Variants in EYS observed in about 807,000 individuals in gnomAD.
EYS encodes protein eyes shut homolog.
Under a neutral mutation model 282.1 loss-of-function variants are expected in EYS, and 250 were observed. The ratio of observed to expected loss-of-function variants is 0.89; its 90% confidence interval spans 0.80 to 0.98. The LOEUF is 0.98. Among genes scored for constraint, EYS ranks in the 50% least tolerant of loss-of-function variants. EYS has a pLI of 0.00. For missense variants in EYS, 4,016 were observed against 3,709.0 expected (o/e 1.08, Z -2.15); for synonymous variants, 1,355 against 1,282.9 (o/e 1.06, Z -1.20).
At chr6:65,452,446 A>T (rs9345636) in intron 5 of EYS, among the ~76,000 whole-genome samples, 2 of 151,820 alleles carry the variant, frequency 1.3e-5, no homozygotes, top group East Asian at 1.9e-4. Flanking sequence ...TATGTATAGA[A>T]GCCACTAAGG....
At chr6:64,997,452 A>G in intron 14 of EYS, 130 bp downstream of exon 14, 1 of 823,778 alleles carries the variant, frequency 1.2e-6, no homozygotes, top group Non-Finnish European at 1.8e-6. Context: ...CTGTTTTCTA[A>G]CCTTGAGAAG....
At chr6:63,772,596 T>C (rs533190192) in intron 40 of EYS, among the ~76,000 whole-genome samples, 4 of 152,268 alleles carry the variant, frequency 2.6e-5, no homozygotes, top group South Asian at 2.1e-4. Flanking sequence ...ATCTACTGTA[T>C]AGTCAAAATA....
chr6:64,309,382 C>A (rs115277746), intron 29 of EYS, among the ~76,000 whole-genome samples: 2 of 152,110 alleles, frequency 1.3e-5, no homozygotes, highest in African/African-American at 4.8e-5. Flanking sequence ...AATTTATTCA[C>A]CTTGGGCTTT....
chr6:65,522,636 G>T (rs913364130), intron 2 of EYS, among the ~76,000 whole-genome samples: 15 of 152,190 alleles, frequency 9.9e-5, no homozygotes, highest in African/African-American at 3.6e-4. Context: ...GAATTTCAAT[G>T]CAATTTTGCT....
intron 34 of EYS, among the ~76,000 whole-genome samples, chr6:63,986,004 GA>G (rs1396753005): frequency 2.0e-5 from 3 of 151,748 alleles, no homozygotes; most frequent in Non-Finnish European, 4.4e-5. Context: ...AATAATGGGA[GA>G]AAATTTTTGC....
chr6:65,170,228 GCACA>G (rs148028482), intron 12 of EYS, among the ~76,000 whole-genome samples: 12 of 148,562 alleles, frequency 8.1e-5, no homozygotes, highest in African/African-American at 2.2e-4. Context: ...GCGCGTGCAC[GCACA>G]CACACACACA....
intron 12 of EYS, among the ~76,000 whole-genome samples, chr6:65,115,969 C>CTATA (rs752453956): frequency 1.8e-4 from 19 of 105,856 alleles, no homozygotes; most frequent in Admixed American, 1.2e-3. Context: ...TCTATCTAAT[C>CTATA]TATCTATCTA....
chr6:63,740,514 A>C (rs1769048580), intron 41 of EYS, among the ~76,000 whole-genome samples: 1 of 152,196 alleles, frequency 6.6e-6, no homozygotes, highest in African/African-American at 2.4e-5. Context: ...TTTGTTTTCA[A>C]AACACTTTGC....
At chr6:65,534,742 CT>C (rs1767904067) in intron 2 of EYS, among the ~76,000 whole-genome samples, 1 of 152,116 alleles carries the variant, frequency 6.6e-6, no homozygotes, top group Admixed American at 6.6e-5. Flanking sequence ...AAGCCTTCCC[CT>C]TTTTCCACCG....
At chr6:65,128,620 A>C (rs10455570) in intron 12 of EYS, among the ~76,000 whole-genome samples, 1 of 151,916 alleles carries the variant, frequency 6.6e-6, no homozygotes. Context: ...TAACCAAGGA[A>C]GAGAAAGAGC....
chr6:64,725,169 G>T (rs1349766459), intron 22 of EYS, among the ~76,000 whole-genome samples: 1 of 152,116 alleles, frequency 6.6e-6, no homozygotes, highest in Non-Finnish European at 1.5e-5. Context: ...GATGTTGCTT[G>T]TAATATGTAG....
chr6:65,399,423 T>C (rs986511356), intron 7 of EYS, among the ~76,000 whole-genome samples: 89 of 151,934 alleles, frequency 5.9e-4, no homozygotes, highest in African/African-American at 2.1e-3. Flanking sequence ...ATCAAATAAA[T>C]TAGTTAGAAA....
chr6:63,845,093 G>T (rs1000689763), intron 36 of EYS, among the ~76,000 whole-genome samples: 1 of 152,000 alleles, frequency 6.6e-6, no homozygotes, highest in Non-Finnish European at 1.5e-5. Context: ...GCCATGAACT[G>T]TAATGACTTC....
intron 12 of EYS, among the ~76,000 whole-genome samples, chr6:65,135,961 T>A (rs185975781): frequency 6.6e-6 from 1 of 152,184 alleles, no homozygotes; most frequent in African/African-American, 2.4e-5. Flanking sequence ...ATATAGCAAA[T>A]CTATTTTTGA....
chr6:63,782,388 T>C (rs771445370), intron 39 of EYS, among the ~76,000 whole-genome samples: 5 of 152,194 alleles, frequency 3.3e-5, no homozygotes, highest in Non-Finnish European at 7.3e-5. Flanking sequence ...CCTGGACTTT[T>C]TTGGGTTGGT....
chr6:65,386,076 C>T (rs1190083853), intron 7 of EYS, among the ~76,000 whole-genome samples: 1 of 151,478 alleles, frequency 6.6e-6, no homozygotes, highest in Non-Finnish European at 1.5e-5. Flanking sequence ...ATTGAAGAAC[C>T]AATATTCAGC....
At chr6:63,989,364 A>G (rs1332819829) in intron 34 of EYS, among the ~76,000 whole-genome samples, 1 of 151,712 alleles carries the variant, frequency 6.6e-6, no homozygotes, top group Non-Finnish European at 1.5e-5. Flanking sequence ...AACTTTTCAC[A>G]TGTTAAAAAA....
chr6:63,945,182 G>A (rs1370638387), intron 35 of EYS, among the ~76,000 whole-genome samples: 1 of 152,090 alleles, frequency 6.6e-6, no homozygotes, highest in African/African-American at 2.4e-5. Context: ...AGTTCAGCAT[G>A]GCTGGGGAGG....
chr6:65,317,937 G>A (rs1334775888), intron 11 of EYS, among the ~76,000 whole-genome samples: 6 of 148,162 alleles, frequency 4.0e-5, no homozygotes, highest in African/African-American at 1.3e-4. Flanking sequence ...GTGCGATCTC[G>A]GCTCACCGCA....
Sources: gnomAD v4.1 joint callset for allele counts (sites outside exome capture counted in the v4.1 genomes callset) on GRCh38, gnomAD v4.1.1 for gene constraint, MANE v1.5 for transcripts, NCBI Gene and HGNC (gene_info 2026-07-23, HGNC 2026-07-21) for gene names.